Variants in ADGRL3 observed in about 807,000 individuals in gnomAD.
The protein encoded by ADGRL3 is adhesion G protein-coupled receptor L3, also known as calcium-independent alpha-latrotoxin receptor 3.
A neutral mutation model predicts 153.5 loss-of-function variants in ADGRL3; 62 were observed. That is an observed-to-expected ratio of 0.40 (90% CI 0.33 to 0.50). The LOEUF (loss-of-function observed/expected upper bound fraction) is 0.50, where lower values mean the gene tolerates loss of function less well. ADGRL3 is among the 20% of genes least tolerant of loss of function. The pLI, the probability that ADGRL3 is intolerant of heterozygous loss-of-function variation, is 0.47. For synonymous variants in ADGRL3, 710 were observed against 672.5 expected (o/e 1.06, Z -0.86); for missense variants, 1,641 against 1,859.4 (o/e 0.88, Z 2.16).
intron 1 of ADGRL3, among the ~76,000 whole-genome samples, chr4:61,245,747 A>C (rs1171510265): frequency 6.6e-6 from 1 of 152,232 alleles, no homozygotes; most frequent in Admixed American, 6.6e-5. Flanking sequence ...TCCTATTTAT[A>C]ATTATCATAC....
At chr4:61,432,569 TC>T (rs66765952) in intron 2 of ADGRL3, among the ~76,000 whole-genome samples, 6,444 of 22,564 alleles carry the variant, frequency 0.29, 1,397 homozygotes, top group Non-Finnish European at 0.52. Context: ...CTTTTCTTTC[TC>T]TTCCTTTCTT....
At chr4:61,794,751 T>G (rs1195378810) in intron 8 of ADGRL3, among the ~76,000 whole-genome samples, 2 of 152,212 alleles carry the variant, frequency 1.3e-5, no homozygotes, top group Admixed American at 1.3e-4. Flanking sequence ...GTAGCAGTGT[T>G]GTAAGAGTCA....
At chr4:61,257,987 A>C (rs955915370) in intron 1 of ADGRL3, among the ~76,000 whole-genome samples, 1 of 152,120 alleles carries the variant, frequency 6.6e-6, no homozygotes. Context: ...GTCTGAGTAC[A>C]TACAGGTTAG....
intron 4 of ADGRL3, chr4:61,579,680 A>G: frequency 4.4e-6 from 2 of 456,326 alleles, no homozygotes; most frequent in Non-Finnish European, 8.5e-6. Flanking sequence ...TTTTTTCTAT[A>G]AGTTCAGAAA....
At chr4:61,962,724 G>C (rs888332891) in intron 17 of ADGRL3, among the ~76,000 whole-genome samples, 1 of 151,976 alleles carries the variant, frequency 6.6e-6, no homozygotes, top group Admixed American at 6.6e-5. Flanking sequence ...TGGATCACTT[G>C]GTTAAAAAGT....
intron 4 of ADGRL3, among the ~76,000 whole-genome samples, chr4:61,535,630 G>T (rs1485868438): frequency 6.6e-6 from 1 of 151,838 alleles, no homozygotes; most frequent in East Asian, 1.9e-4. Context: ...TTATTGGCCT[G>T]TTCAGGATTG....
At chr4:61,952,027 T>C (rs891233903) in intron 17 of ADGRL3, among the ~76,000 whole-genome samples, 1 of 152,208 alleles carries the variant, frequency 6.6e-6, no homozygotes, top group African/African-American at 2.4e-5. Flanking sequence ...AAATGGCTTA[T>C]TACCTTGGTT....
At chr4:61,697,730 C>G (rs139108829) in intron 6 of ADGRL3, among the ~76,000 whole-genome samples, 30 of 152,106 alleles carry the variant, frequency 2.0e-4, no homozygotes, top group African/African-American at 7.0e-4. Context: ...AAACATCAGC[C>G]CAGTATAGGA....
chr4:61,563,881 G>A (rs147104893), intron 4 of ADGRL3, among the ~76,000 whole-genome samples: 55 of 152,132 alleles, frequency 3.6e-4, no homozygotes, highest in African/African-American at 1.1e-3. Flanking sequence ...GGTGGTGCGC[G>A]CCTGTGATCC....
chr4:62,019,705 T>C (rs2151362881), intron 21 of ADGRL3, among the ~76,000 whole-genome samples: 1 of 152,278 alleles, frequency 6.6e-6, no homozygotes, highest in African/African-American at 2.4e-5. Context: ...GACACAATAA[T>C]AGCTCTTGTG....
rs1450331541 is a variant in ADGRL3, at chr4:61,501,339, A to G, written c.55+3991A>G. ...CATTTATTCCTTGCAGAGCTATTTT[A>G]AGAAATGAATGCAAGGATGTATAAC... On this transcript the variant is annotated intron_variant, in intron 3 of 26. Transcript: ENST00000683033. 2.0e-5 allele frequency among the ~76,000 whole-genome samples: 3 copies of G among 152,272 alleles called. No individual in the cohort carries two copies. In the East Asian group the frequency reaches 5.8e-4, roughly 29 times the overall value.
chr4:61,947,984 C>A, intron 16 of ADGRL3, 116 bp from the exon 17 acceptor site: 1 of 739,898 alleles, frequency 1.4e-6, no homozygotes, highest in Non-Finnish European at 2.2e-6. Flanking sequence ...CATTGGTAGA[C>A]ATCTCTAAAA....
intron 6 of ADGRL3, among the ~76,000 whole-genome samples, chr4:61,714,153 G>A (rs1188037331): frequency 6.6e-6 from 1 of 150,652 alleles, no homozygotes; most frequent in African/African-American, 2.5e-5. Flanking sequence ...TAATGTTGTA[G>A]CAGTAAACAA....
chr4:61,383,997 G>C (rs6857590), intron 2 of ADGRL3, among the ~76,000 whole-genome samples: 1 of 151,858 alleles, frequency 6.6e-6, no homozygotes, highest in African/African-American at 2.4e-5. Context: ...TTTCTTATTG[G>C]TCTTCATATT....
chr4:61,976,374 T>C (rs1397609889), intron 17 of ADGRL3, among the ~76,000 whole-genome samples: 2 of 152,194 alleles, frequency 1.3e-5, no homozygotes, highest in African/African-American at 4.8e-5. Flanking sequence ...CTATTAATTA[T>C]AAACAAGGCT....
intron 9 of ADGRL3, among the ~76,000 whole-genome samples, chr4:61,858,308 A>G (rs907603155): frequency 2.6e-5 from 4 of 152,304 alleles, no homozygotes; most frequent in African/African-American, 9.6e-5. Flanking sequence ...ACAAATGAGC[A>G]TGGCTGTGTG....
chr4:61,362,453 T>C lies in ADGRL3; in HGVS notation c.-239-20671T>C, dbSNP rs111959766. On this transcript the variant is annotated intron_variant, in intron 1 of 26. Coordinates refer to ENST00000683033, the MANE Select transcript of ADGRL3 (RefSeq NM_001387552.1). ...CACCATGTAGTTGAAAATCTGAGAATAACTTCTTCCTCCTCTAAAACTTAA... is the reference window on the plus strand; with the variant it reads ...CACCATGTAGTTGAAAATCTGAGAACAACTTCTTCCTCCTCTAAAACTTAA... Among the ~76,000 whole-genome samples, 760 of 152,140 alleles carry C rather than the reference T, an allele frequency of 5.0e-3. 11 individuals carry two copies. The highest frequency in any genetic ancestry group is 0.017 in the African/African-American group (725 of 41,510).
intron 8 of ADGRL3, among the ~76,000 whole-genome samples, chr4:61,749,360 G>GTA (rs2096720069): frequency 1.3e-5 from 2 of 152,108 alleles, no homozygotes; most frequent in African/African-American, 4.8e-5. Flanking sequence ...CCATTACTGG[G>GTA]TATATACCCA....
At position 61,973,271 on chromosome 4, in the gene ADGRL3, T is replaced by G. The variant is rs571022599; in HGVS notation, c.2806-6292T>G. 5.9e-5 allele frequency among the ~76,000 whole-genome samples: 9 copies of G among 152,190 alleles called. No individual in the cohort carries two copies. In the East Asian group the frequency reaches 1.7e-3, roughly 29 times the overall value. On this transcript the variant is annotated intron_variant, in intron 17 of 26. Transcript: ENST00000683033. ...TCCAGAAATTTGGACTTAGTATCAT[T>G]GAGTGTACCTCATGGTATATTTGAG...
Sources: gnomAD v4.1 joint callset for allele counts (sites outside exome capture counted in the v4.1 genomes callset) on GRCh38, gnomAD v4.1.1 for gene constraint, MANE v1.5 for transcripts, NCBI Gene and HGNC (gene_info 2026-07-23, HGNC 2026-07-21) for gene names.